CRTC3: variants seen among roughly 807,000 people sequenced by gnomAD.
The protein encoded by CRTC3 is CREB-regulated transcription coactivator 3.
A neutral mutation model predicts 74.5 loss-of-function variants in CRTC3; 26 were observed. That is an observed-to-expected ratio of 0.35 (90% CI 0.26 to 0.48). CRTC3 has a LOEUF of 0.48. Among genes scored for constraint, CRTC3 ranks in the 20% least tolerant of loss-of-function variants. The probability of loss-of-function intolerance (pLI) is 0.99; values close to 1 mark genes in which losing one functional copy is unlikely to be tolerated. For missense variants in CRTC3, 760 were observed against 787.3 expected, an observed-to-expected ratio of 0.97 and a Z score of 0.41; for synonymous variants, 377 against 325.8, an observed-to-expected ratio of 1.16 and a Z score of -1.69.
In CRTC3 at chr15:90,638,852, A is replaced by G. The variant is rs199911533; in HGVS notation, c.1548+37A>G. On this transcript the variant is annotated intron_variant, in intron 13 of 14. Coordinates refer to ENST00000268184, the MANE Select transcript of CRTC3 (RefSeq NM_022769.5). ...CCCCTGCCTTCTCCTCCCTTGGTGC[A>G]TAAACTGTACCATTTAGGTTGTTCA... 4 of 1,521,550 alleles carry G rather than the reference A, an allele frequency of 2.6e-6. No homozygotes were observed. The African/African-American group carries it at 5.5e-5, about 21-fold the overall frequency. The allele number at this position is 1,521,550 out of a possible 1,614,324, so 94.3% of individuals were successfully genotyped here.
chr15:90,608,680 A>C (rs141365939), intron 6 of CRTC3, among the ~76,000 whole-genome samples: 1 of 149,286 alleles, frequency 6.7e-6, no homozygotes, highest in Non-Finnish European at 1.5e-5. Context: ...GCAGCATCTT[A>C]ATGGTCTTGT....
At chr15:90,634,968 G>A (rs1969179373) in intron 11 of CRTC3, 1 of 1,493,880 alleles carries the variant, frequency 6.7e-7, no homozygotes, top group African/African-American at 1.4e-5. Context: ...CACCAAAGTA[G>A]TTCTAGATGA....
intron 2 of CRTC3, among the ~76,000 whole-genome samples, chr15:90,552,901 G>C (rs1713597112): frequency 6.6e-6 from 1 of 152,132 alleles, no homozygotes; most frequent in South Asian, 2.1e-4. Context: ...AAATGTGAGA[G>C]GGAATTTTGT....
intron 3 of CRTC3, chr15:90,598,309 G>A (rs1967980593): frequency 1.5e-6 from 1 of 649,752 alleles, no homozygotes; most frequent in Non-Finnish European, 2.8e-6. Context: ...GGCCAGGGCG[G>A]GTCTTGTTTT....
intron 11 of CRTC3, among the ~76,000 whole-genome samples, chr15:90,631,251 ATT>A (rs1267076428): frequency 6.6e-6 from 1 of 152,020 alleles, no homozygotes; most frequent in Non-Finnish European, 1.5e-5. Flanking sequence ...GTGAGAGGAC[ATT>A]TCATAATTTT....
At chr15:90,547,889 CTTT>C (rs34721161) in intron 2 of CRTC3, among the ~76,000 whole-genome samples, 250 of 100,422 alleles carry the variant, frequency 2.5e-3, no homozygotes, top group Admixed American at 6.5e-3. Context: ...TTTTCGTATC[CTTT>C]TTTTTTTTTT....
intron 2 of CRTC3, among the ~76,000 whole-genome samples, chr15:90,553,664 C>T (rs1441074456): frequency 6.6e-6 from 1 of 152,116 alleles, no homozygotes; most frequent in Non-Finnish European, 1.5e-5. Context: ...TGGAATATTG[C>T]CATTTTCATT....
chr15:90,596,780 G>A (rs551931468), intron 3 of CRTC3, among the ~76,000 whole-genome samples: 1 of 152,268 alleles, frequency 6.6e-6, no homozygotes, highest in Admixed American at 6.5e-5. Context: ...ATTTGTCTAT[G>A]ACTTTTTAAA....
intron 2 of CRTC3, among the ~76,000 whole-genome samples, chr15:90,587,468 A>G (rs974378232): frequency 1.3e-5 from 2 of 152,210 alleles, no homozygotes; most frequent in African/African-American, 4.8e-5. Context: ...CCATTTCTGT[A>G]TGGAGGCACA....
intron 9 of CRTC3, among the ~76,000 whole-genome samples, chr15:90,622,538 C>G (rs1968686875): frequency 6.6e-6 from 1 of 152,148 alleles, no homozygotes; most frequent in Non-Finnish European, 1.5e-5. Context: ...ATAAACAGTT[C>G]CATACTTCCA....
At chr15:90,609,214 A>T (rs1009917544) in intron 6 of CRTC3, among the ~76,000 whole-genome samples, 1 of 152,220 alleles carries the variant, frequency 6.6e-6, no homozygotes, top group Admixed American at 6.5e-5. Flanking sequence ...AGCTTTCAGA[A>T]TTGGTTAGGG....
chr15:90,565,130 T>C (rs1967096060), intron 2 of CRTC3, among the ~76,000 whole-genome samples: 2 of 152,286 alleles, frequency 1.3e-5, no homozygotes, highest in Non-Finnish European at 1.5e-5. Context: ...TAGTTTTTAG[T>C]AGAGACGGGG....
intron 6 of CRTC3, among the ~76,000 whole-genome samples, chr15:90,613,372 T>C (rs937194967): frequency 6.6e-6 from 1 of 152,028 alleles, no homozygotes; most frequent in African/African-American, 2.4e-5. Flanking sequence ...CTGAAAGAAA[T>C]TCTGTCTTTG....
chr15:90,627,783 G>A (rs185142634), intron 10 of CRTC3, among the ~76,000 whole-genome samples: 2,106 of 112,844 alleles, frequency 0.019, 23 homozygotes, highest in Non-Finnish European at 0.027. Flanking sequence ...CACCACGCCC[G>A]GCTAATTTTT....
At chr15:90,577,984 A>G (rs528787663) in intron 2 of CRTC3, among the ~76,000 whole-genome samples, 1 of 152,280 alleles carries the variant, frequency 6.6e-6, no homozygotes, top group South Asian at 2.1e-4. Context: ...ATCTGGGCTC[A>G]CTGCAACCTC....
intron 3 of CRTC3, chr15:90,600,299 T>C (rs1353911283): frequency 6.6e-6 from 1 of 152,254 alleles, no homozygotes; most frequent in Non-Finnish European, 1.5e-5. Context: ...TCCGTTTTCC[T>C]AATTCCAGAT....
At chr15:90,546,478 C>T (rs1966844486) in intron 2 of CRTC3, among the ~76,000 whole-genome samples, 1 of 152,168 alleles carries the variant, frequency 6.6e-6, no homozygotes, top group Non-Finnish European at 1.5e-5. Context: ...GTCTTGATTA[C>T]TGTACCTTTA....
chr15:90,530,283 C>A lies in CRTC3; in HGVS notation c.132+80C>A, dbSNP rs1250900275. The A allele has an allele frequency of 4.6e-5, 40 of 870,342 alleles. No individual in the cohort carries two copies. The Middle Eastern group carries it at 1.7e-3, about 37-fold the overall frequency. The allele number at this position is 870,342 out of a possible 1,614,324, so 53.9% of individuals were successfully genotyped here. ...CGCGGCGGGTGAGAGGTTGCGGGGCCAAGGCGATGGCGGGGCCGGGCGGGG... is the reference window on the plus strand; with the variant it reads ...CGCGGCGGGTGAGAGGTTGCGGGGCAAAGGCGATGGCGGGGCCGGGCGGGG... On this transcript the variant is annotated intron_variant, in intron 1 of 14. Coordinates refer to ENST00000268184, the MANE Select transcript of CRTC3 (RefSeq NM_022769.5). The surrounding 1 kb of genome is among the most constrained non-coding windows in gnomAD (Gnocchi z 6.2).
At position 90,642,406 on chromosome 15, in the gene CRTC3, C is replaced by T. The variant is rs1295683577; in HGVS notation, c.*266C>T. 1 of 520,010 alleles carries T rather than the reference C, an allele frequency of 1.9e-6. No homozygotes were observed. The highest frequency in any genetic ancestry group is 3.5e-6 in the Non-Finnish European group (1 of 287,006). The allele number at this position is 520,010 out of a possible 1,614,324, so 32.2% of individuals were successfully genotyped here. Reference sequence around the variant, plus strand: ...GCTTCCCATGAACTGGAAAGCTCACCTCCACTGCATCTTTTTACTGGCCAT... The same window carrying T: ...GCTTCCCATGAACTGGAAAGCTCACTTCCACTGCATCTTTTTACTGGCCAT... On this transcript the variant is annotated 3_prime_UTR_variant, in exon 15 of 15. Coordinates refer to ENST00000268184, the MANE Select transcript of CRTC3 (RefSeq NM_022769.5).
Sources: allele counts gnomAD v4.1 joint callset (sites outside exome capture counted in the v4.1 genomes callset), GRCh38; gene constraint gnomAD v4.1.1; non-coding constraint Gnocchi (gnomAD v3.1); transcripts MANE v1.5; gene names NCBI Gene and HGNC (gene_info 2026-07-23, HGNC 2026-07-21).